The following LUZP2 variants were observed in gnomAD, a reference collection of about 807,000 sequenced individuals.
LUZP2 encodes the protein leucine zipper protein 2.
LUZP2 carries 52 observed loss-of-function variants against 51.6 expected under a neutral mutation model. That is an observed-to-expected ratio of 1.01 (90% CI 0.81 to 1.27). The LOEUF is 1.27. Among genes scored for constraint, LUZP2 ranks in the 50% most tolerant of loss-of-function variants. The pLI is 0.00. For missense variants in LUZP2, 436 were observed against 395.4 expected (o/e 1.10, Z -0.87); for synonymous variants, 154 against 137.3 (o/e 1.12, Z -0.85).
intron 1 of LUZP2, among the ~76,000 whole-genome samples, chr11:24,674,588 CTATTA>C (rs1184667560): frequency 1.3e-5 from 2 of 152,142 alleles, no homozygotes; most frequent in African/African-American, 2.4e-5. Context: ...TTCTTCCCCT[CTATTA>C]TCTTATTTAG....
intron 8 of LUZP2, among the ~76,000 whole-genome samples, chr11:24,979,434 A>G (rs1855966663): frequency 6.6e-6 from 1 of 151,804 alleles, no homozygotes; most frequent in African/African-American, 2.4e-5. Flanking sequence ...CCCTCTCTCC[A>G]TCATCTTTAT....
intron 10 of LUZP2, among the ~76,000 whole-genome samples, chr11:25,069,891 G>A (rs1226722481): frequency 1.3e-5 from 2 of 151,338 alleles, no homozygotes; most frequent in African/African-American, 4.9e-5. Context: ...GATGTTTCTT[G>A]ACATGTGGCC....
intron 5 of LUZP2, among the ~76,000 whole-genome samples, chr11:24,857,288 TACATATATATATATACATATATATACAC>T (rs375356180): frequency 0.022 from 1,713 of 79,486 alleles, 27 homozygotes; most frequent in African/African-American, 0.08. Flanking sequence ...TATATATATA[TACATATATATATATACATATATATACAC>T]ACACACACAC....
intron 5 of LUZP2, among the ~76,000 whole-genome samples, chr11:24,825,190 A>T (rs941730605): frequency 6.6e-6 from 1 of 152,182 alleles, no homozygotes; most frequent in African/African-American, 2.4e-5. Context: ...CTCAGGTTTT[A>T]AAAAAATTAT....
At chr11:24,728,827 A>G (rs914310997) in intron 1 of LUZP2, among the ~76,000 whole-genome samples, 1 of 152,010 alleles carries the variant, frequency 6.6e-6, no homozygotes, top group African/African-American at 2.4e-5. Flanking sequence ...TAATTTATAA[A>G]GAAAAAGAGG....
intron 7 of LUZP2, among the ~76,000 whole-genome samples, chr11:24,930,038 A>T (rs1854398975): frequency 6.6e-6 from 1 of 152,182 alleles, no homozygotes; most frequent in African/African-American, 2.4e-5. Flanking sequence ...GTCTGATATA[A>T]GAATAGCTAC....
At chr11:24,588,687 A>G (rs1853157020) in intron 1 of LUZP2, among the ~76,000 whole-genome samples, 1 of 152,000 alleles carries the variant, frequency 6.6e-6, no homozygotes, top group South Asian at 2.1e-4. Context: ...ACTAATATGA[A>G]TAATAGCTTC....
chr11:24,914,584 C>A, intron 7 of LUZP2, 46 bp downstream of exon 7: 1 of 1,239,402 alleles, frequency 8.1e-7, no homozygotes, highest in South Asian at 1.4e-5. Flanking sequence ...TAGCTCAATA[C>A]CTAAAATATC....
chr11:24,828,036 C>T (rs200368775), intron 5 of LUZP2, among the ~76,000 whole-genome samples: 6,900 of 151,962 alleles, frequency 0.045, 329 homozygotes, highest in East Asian at 0.13. Flanking sequence ...GAGAAACACA[C>T]ACACACACAC....
At chr11:24,674,432 G>T (rs889296956) in intron 1 of LUZP2, among the ~76,000 whole-genome samples, 19 of 152,024 alleles carry the variant, frequency 1.2e-4, no homozygotes, top group African/African-American at 4.4e-4. Flanking sequence ...TTTTCATTTT[G>T]TCACTTTACT....
intron 1 of LUZP2, among the ~76,000 whole-genome samples, chr11:24,526,773 T>G (rs887047579): frequency 6.6e-6 from 1 of 151,306 alleles, no homozygotes; most frequent in African/African-American, 2.4e-5. Context: ...TCTTTGATCT[T>G]TTTTTTGGTC....
intron 1 of LUZP2, among the ~76,000 whole-genome samples, chr11:24,528,050 T>G (rs936458112): frequency 1.3e-5 from 2 of 151,312 alleles, no homozygotes; most frequent in African/African-American, 4.8e-5. Context: ...ATTGAGAATA[T>G]GGTTCAACCC....
intron 1 of LUZP2, among the ~76,000 whole-genome samples, chr11:24,583,914 G>A (rs910239599): frequency 2.7e-5 from 4 of 150,484 alleles, no homozygotes; most frequent in Non-Finnish European, 4.4e-5. Flanking sequence ...GGGTTTCACC[G>A]TGTTAGCGAG....
intron 5 of LUZP2, among the ~76,000 whole-genome samples, chr11:24,766,228 TA>T (rs1038015667): frequency 1.3e-5 from 2 of 152,192 alleles, no homozygotes; most frequent in African/African-American, 4.8e-5. Context: ...TTTCTCTTTA[TA>T]TTTTTTTTTA....
chr11:24,677,473 G>T (rs766687875), intron 1 of LUZP2, among the ~76,000 whole-genome samples: 1 of 152,096 alleles, frequency 6.6e-6, no homozygotes, highest in African/African-American at 2.4e-5. Context: ...TCTGATCTCA[G>T]AGCTTTTCAC....
At chr11:24,700,987 GA>G (rs1390065468) in intron 1 of LUZP2, among the ~76,000 whole-genome samples, 1 of 152,072 alleles carries the variant, frequency 6.6e-6, no homozygotes, top group African/African-American at 2.4e-5. Context: ...GGAAAAAGAA[GA>G]AAAAACATCC....
At chr11:24,724,825 G>A (rs765813490) in intron 1 of LUZP2, among the ~76,000 whole-genome samples, 1 of 152,000 alleles carries the variant, frequency 6.6e-6, no homozygotes, top group African/African-American at 2.4e-5. Context: ...TGAGGTATCT[G>A]GAAACAAAAT....
chr11:24,735,443 C>G (rs528343431), intron 3 of LUZP2, among the ~76,000 whole-genome samples: 1 of 151,712 alleles, frequency 6.6e-6, no homozygotes, highest in East Asian at 1.9e-4. Context: ...AGAATAAAAC[C>G]TTTTATTCTT....
intron 1 of LUZP2, among the ~76,000 whole-genome samples, chr11:24,613,689 AG>A (rs1175462683): frequency 6.6e-6 from 1 of 152,056 alleles, no homozygotes; most frequent in African/African-American, 2.4e-5. Context: ...ATGAACAATA[AG>A]TACTAGTGAC....
Sources: allele counts gnomAD v4.1 joint callset (sites outside exome capture counted in the v4.1 genomes callset), GRCh38; gene constraint gnomAD v4.1.1; transcripts MANE v1.5; gene names NCBI Gene and HGNC (gene_info 2026-07-23, HGNC 2026-07-21).